RIPOR2: variants seen among roughly 807,000 people sequenced by gnomAD.
RIPOR2 encodes the protein rho family-interacting cell polarization regulator 2.
In RIPOR2, 39 loss-of-function variants were observed where a neutral mutation model predicts 114.5. The observed-to-expected ratio is 0.34, with a 90% CI of 0.26 to 0.44. The LOEUF is 0.44. RIPOR2 is among the 20% of genes least tolerant of loss of function. The pLI, the probability that RIPOR2 is intolerant of heterozygous loss-of-function variation, is 1.00. For synonymous variants in RIPOR2, 445 were observed against 484.4 expected (o/e 0.92, Z 1.07); for missense variants, 1,007 against 1,255.1 (o/e 0.80, Z 2.99).
At chr6:24,885,978 T>C (rs866068172) in intron 1 of RIPOR2, among the ~76,000 whole-genome samples, 1 of 152,172 alleles carries the variant, frequency 6.6e-6, no homozygotes, top group South Asian at 2.1e-4. Context: ...GATGTGCAGT[T>C]CAAAAGTCAA....
chr6:24,893,378 T>C (rs1446169589), intron 1 of RIPOR2, among the ~76,000 whole-genome samples: 1 of 152,226 alleles, frequency 6.6e-6, no homozygotes, highest in African/African-American at 2.4e-5. Context: ...CAGTAATTCT[T>C]AACCTTTACC....
At chr6:24,860,299 G>A (rs925438680) in intron 8 of RIPOR2, among the ~76,000 whole-genome samples, 1 of 130,026 alleles carries the variant, frequency 7.7e-6, no homozygotes, top group African/African-American at 2.9e-5. Flanking sequence ...TCTGTACAAT[G>A]GTTTCTACAG....
intron 1 of RIPOR2, among the ~76,000 whole-genome samples, chr6:24,889,050 C>T (rs1767088202): frequency 6.6e-6 from 1 of 152,152 alleles, no homozygotes; most frequent in South Asian, 2.1e-4. Context: ...AAAAGCAGCA[C>T]TTTAAATGCT....
At chr6:24,990,591 T>C (rs1410901491) in intron 1 of RIPOR2, among the ~76,000 whole-genome samples, 1 of 152,280 alleles carries the variant, frequency 6.6e-6, no homozygotes, top group Non-Finnish European at 1.5e-5. Context: ...ATGACCATGA[T>C]GGTTTATAGT....
intron 19 of RIPOR2, among the ~76,000 whole-genome samples, chr6:24,819,461 T>C (rs1759469015): frequency 6.6e-6 from 1 of 151,992 alleles, no homozygotes; most frequent in South Asian, 2.1e-4. Flanking sequence ...ATTTGCTGAG[T>C]TTGATACATG....
intron 17 of RIPOR2, among the ~76,000 whole-genome samples, chr6:24,829,611 G>T (rs536036563): frequency 6.6e-6 from 1 of 152,176 alleles, no homozygotes; most frequent in Admixed American, 6.5e-5. Flanking sequence ...GGATGACAGG[G>T]TGAGACCTTG....
chr6:24,844,627 C>T lies in RIPOR2; in HGVS notation c.1165-1073G>A, dbSNP rs56934173. Among the ~76,000 whole-genome samples the T allele has an allele frequency of 5.9e-3, 902 of 152,120 alleles. 6 individuals carry two copies. Among genetic ancestry groups the T allele is most frequent in the African/African-American group, 0.02 (835 of 41,502 alleles). ...CTAGGATTACAGGCATGCGCCACCA[C>T]GCCCCCAGCTAATTTTTGTATTTTC... is the stretch of plus-strand genomic sequence containing the variant. On this transcript the variant is annotated intron_variant, in intron 12 of 21. Transcript: ENST00000643898.
In RIPOR2 at chr6:24,858,807, G is replaced by T. The variant is rs1461192186; in HGVS notation, c.715+2166C>A. Among the ~76,000 whole-genome samples, 1 of 152,134 alleles carries T rather than the reference G, an allele frequency of 6.6e-6. No individual in the cohort carries two copies. The highest frequency in any genetic ancestry group is 1.5e-5 in the Non-Finnish European group (1 of 68,008). ...ACAGCAAGTTCATCAGTCCATCAGG[G>T]CTGCGATGTAGCGGGGTGGCCAGGT... is the stretch of plus-strand genomic sequence containing the variant. On this transcript the variant is annotated intron_variant, in intron 8 of 21. Coordinates refer to ENST00000643898, the MANE Select transcript of RIPOR2 (RefSeq NM_001286445.3). The surrounding 1 kb of genome is among the most constrained non-coding windows in gnomAD (Gnocchi z 4.0).
intron 12 of RIPOR2, chr6:24,847,499 C>T: frequency 1.3e-6 from 2 of 1,538,152 alleles, no homozygotes; most frequent in Non-Finnish European, 1.8e-6. Flanking sequence ...ATGCCACAAG[C>T]CCCAGAAGTC....
At chr6:24,835,541 G>C (rs1427650702) in intron 15 of RIPOR2, among the ~76,000 whole-genome samples, 162 bp downstream of exon 15, 1 of 152,198 alleles carries the variant, frequency 6.6e-6, no homozygotes, top group African/African-American at 2.4e-5. Context: ...GTTGTAGAGG[G>C]ATGGGCAGGC....
intron 1 of RIPOR2, among the ~76,000 whole-genome samples, chr6:24,998,774 C>T (rs1775158741): frequency 6.6e-6 from 1 of 152,100 alleles, no homozygotes; most frequent in Non-Finnish European, 1.5e-5. Context: ...TATTGTGGAA[C>T]AGGAATTCCA....
intron 9 of RIPOR2, among the ~76,000 whole-genome samples, chr6:24,851,001 T>C (rs571762059): frequency 1.3e-5 from 2 of 151,934 alleles, no homozygotes; most frequent in East Asian, 1.9e-4. Context: ...GTTCAAGCGA[T>C]TCCCCTGCCT....
intron 1 of RIPOR2, among the ~76,000 whole-genome samples, chr6:24,881,700 T>C (rs544480102): frequency 3.9e-5 from 6 of 152,316 alleles, no homozygotes; most frequent in African/African-American, 1.4e-4. Flanking sequence ...TACATGTTCT[T>C]GTATGAATGC....
At chr6:24,833,077 AG>A (rs1398211438) in intron 15 of RIPOR2, among the ~76,000 whole-genome samples, 4 of 152,218 alleles carry the variant, frequency 2.6e-5, no homozygotes, top group African/African-American at 9.7e-5. Flanking sequence ...AAGAATGAGA[AG>A]ACCTAAGAGA....
chr6:24,897,752 T>G (rs991865894), intron 1 of RIPOR2, among the ~76,000 whole-genome samples: 8 of 152,064 alleles, frequency 5.3e-5, no homozygotes, highest in Non-Finnish European at 1.5e-5. Context: ...CAGTTAGTGT[T>G]TTTATTTTTA....
chr6:24,847,358 GAGA>G (rs956147129), intron 12 of RIPOR2, among the ~76,000 whole-genome samples: 3 of 152,226 alleles, frequency 2.0e-5, no homozygotes, highest in African/African-American at 7.2e-5. Context: ...ATCATTAGAA[GAGA>G]AGGACAAACT....
intron 1 of RIPOR2, among the ~76,000 whole-genome samples, chr6:25,031,544 C>G (rs1043999201): frequency 6.8e-5 from 10 of 146,860 alleles, no homozygotes; most frequent in African/African-American, 2.6e-4. Context: ...AAACTATGAA[C>G]AAAGATTGAC....
At chr6:25,020,058 G>A (rs1402330604) in intron 1 of RIPOR2, among the ~76,000 whole-genome samples, 1 of 151,926 alleles carries the variant, frequency 6.6e-6, no homozygotes, top group Non-Finnish European at 1.5e-5. Context: ...TGGGATTACA[G>A]GATATTTTTA....
At chr6:24,898,950 G>GTTT (rs10584291) in intron 1 of RIPOR2, among the ~76,000 whole-genome samples, 2 of 127,364 alleles carry the variant, frequency 1.6e-5, no homozygotes, top group Non-Finnish European at 3.4e-5. Context: ...TCAGGGAGTA[G>GTTT]TTTTTTTTTT....
Sources: allele counts gnomAD v4.1 joint callset (sites outside exome capture counted in the v4.1 genomes callset), GRCh38; gene constraint gnomAD v4.1.1; non-coding constraint Gnocchi (gnomAD v3.1); transcripts MANE v1.5; gene names NCBI Gene and HGNC (gene_info 2026-07-23, HGNC 2026-07-21).